MGST1: variants seen among roughly 807,000 people sequenced by gnomAD.
MGST1 encodes glutathione S-transferase 12.
A neutral mutation model predicts 8.9 loss-of-function variants in MGST1; 5 were observed. The ratio of observed to expected loss-of-function variants is 0.56; its 90% CI spans 0.29 to 1.19. The LOEUF (loss-of-function observed/expected upper bound fraction) is 1.19, where lower values mean the gene tolerates loss of function less well. Among genes scored for constraint, MGST1 ranks in the 50% most tolerant of loss-of-function variants. The probability of loss-of-function intolerance (pLI) is 0.08; values close to 1 mark genes in which losing one functional copy is unlikely to be tolerated. For synonymous variants in MGST1, 54 were observed against 67.8 expected (o/e 0.80, Z 1.00); for missense variants, 182 against 187.4 (o/e 0.97, Z 0.17).
At chr12:16,566,597 G>A (rs1942619813) in intron 4 of MGST1, among the ~76,000 whole-genome samples, 1 of 151,776 alleles carries the variant, frequency 6.6e-6, no homozygotes, top group African/African-American at 2.4e-5. Context: ...ATATATTAAA[G>A]AAAAGACATT....
chr12:16,400,002 A>G, intron 1 of MGST1: 1 of 1,490,044 alleles, frequency 6.7e-7, no homozygotes. Flanking sequence ...TCCTGTAGGG[A>G]GCTCTGTTAA....
chr12:16,495,469 T>C (rs911441307), intron 4 of MGST1, among the ~76,000 whole-genome samples: 1 of 151,896 alleles, frequency 6.6e-6, no homozygotes, highest in Non-Finnish European at 1.5e-5. Flanking sequence ...AAAAGAAACA[T>C]TGAAGAAAAG....
intron 4 of MGST1, among the ~76,000 whole-genome samples, chr12:16,479,535 C>CT (rs71054820): frequency 0.028 from 3,120 of 113,084 alleles, 206 homozygotes; most frequent in Admixed American, 0.13. Context: ...CGCCCGGCCT[C>CT]TTTTTTTTTT....
At chr12:16,496,447 A>T (rs762309899) in intron 4 of MGST1, among the ~76,000 whole-genome samples, 1 of 152,180 alleles carries the variant, frequency 6.6e-6, no homozygotes, top group Non-Finnish European at 1.5e-5. Flanking sequence ...GTATGCACAC[A>T]AAACAGCAAC....
intron 4 of MGST1, among the ~76,000 whole-genome samples, chr12:16,448,789 T>C (rs891988339): frequency 1.3e-5 from 2 of 151,884 alleles, no homozygotes; most frequent in Non-Finnish European, 2.9e-5. Flanking sequence ...CCCCAAGCTA[T>C]CCTTATCCTG....
chr12:16,502,257 T>C (rs1227113600), intron 4 of MGST1, among the ~76,000 whole-genome samples: 1 of 152,178 alleles, frequency 6.6e-6, no homozygotes, highest in Non-Finnish European at 1.5e-5. Context: ...GTCATTCCAT[T>C]AAGTTAGCAA....
chr12:16,510,572 C>A (rs979679667), intron 4 of MGST1, among the ~76,000 whole-genome samples: 1 of 152,122 alleles, frequency 6.6e-6, no homozygotes, highest in Non-Finnish European at 1.5e-5. Context: ...CTTGGTTTTC[C>A]ATTTTGAATT....
intron 1 of MGST1, among the ~76,000 whole-genome samples, chr12:16,392,384 T>A (rs564783275): frequency 6.6e-6 from 1 of 152,356 alleles, no homozygotes; most frequent in African/African-American, 2.4e-5. Context: ...AGTTTCGTTT[T>A]ATTACTTTCT....
chr12:16,532,984 G>A (rs1333669246), intron 4 of MGST1, among the ~76,000 whole-genome samples: 1 of 152,226 alleles, frequency 6.6e-6, no homozygotes, highest in East Asian at 1.9e-4. Flanking sequence ...TTGAATCTCA[G>A]GTGAAGCTAA....
intron 4 of MGST1, among the ~76,000 whole-genome samples, chr12:16,496,981 C>T (rs1397122014): frequency 6.6e-6 from 1 of 152,088 alleles, no homozygotes; most frequent in Admixed American, 6.6e-5. Flanking sequence ...TAAAGCTTAG[C>T]AGCTATTAAT....
Position 16,401,417 on chromosome 12 carries a change from GC to G in MGST1, n.778+17814del. On this transcript the variant is annotated intron_variant and non_coding_transcript_variant, in intron 1 of 1. Transcript: ENST00000359720. This position sits in a 1 kb window ranked among gnomAD's most constrained non-coding sequence, Gnocchi z 4.3. Reference sequence around the variant, plus strand: ...ATTTTGTTCAGGAGTTCTGGCTTCTGCTTTTTAGCCACGTCCATGACAGCAT... The same window carrying G: ...ATTTTGTTCAGGAGTTCTGGCTTCTGTTTTTAGCCACGTCCATGACAGCAT... The G allele has an allele frequency of 3.2e-6, 3 of 940,018 alleles. No individual in the cohort carries two copies. Among genetic ancestry groups the G allele is most frequent in the Non-Finnish European group, 5.3e-6 (3 of 570,516 alleles). 58.2% of individuals were successfully genotyped at this position (940,018 alleles called of 1,614,324 possible).
At chr12:16,519,661 C>G (rs769811115) in intron 4 of MGST1, among the ~76,000 whole-genome samples, 1 of 151,508 alleles carries the variant, frequency 6.6e-6, no homozygotes, top group Non-Finnish European at 1.5e-5. Context: ...TTTACAGTTT[C>G]AGCTGACTAC....
rs576031774 is a variant in MGST1, at chr12:16,489,449, G to C, written n.483-100079G>C. On this transcript the variant is annotated intron_variant and non_coding_transcript_variant, in intron 4 of 4. Coordinates refer to the MGST1 transcript ENST00000538857. ...GCAGAGCTCATAATGGGATATCTGGGTTGCCTGTGTTCCCTTGTTTACAAT... is the reference window on the plus strand; with the variant it reads ...GCAGAGCTCATAATGGGATATCTGGCTTGCCTGTGTTCCCTTGTTTACAAT... 2.6e-5 allele frequency among the ~76,000 whole-genome samples: 4 copies of C among 151,964 alleles called. No homozygotes were observed. The East Asian group carries it at 7.8e-4, about 30-fold the overall frequency.
At chr12:16,553,156 A>C (rs1399534835) in intron 4 of MGST1, among the ~76,000 whole-genome samples, 1 of 152,142 alleles carries the variant, frequency 6.6e-6, no homozygotes, top group Non-Finnish European at 1.5e-5. Flanking sequence ...CCTACATCCA[A>C]CCTAGAAAGT....
chr12:16,506,342 G>C (rs944960315), intron 4 of MGST1, among the ~76,000 whole-genome samples: 2 of 152,086 alleles, frequency 1.3e-5, no homozygotes, highest in Non-Finnish European at 2.9e-5. Context: ...TTTATAATGG[G>C]CAGTAAGTTT....
intron 4 of MGST1, among the ~76,000 whole-genome samples, chr12:16,460,597 GTTTTTTTT>G (rs368666166): frequency 3.8e-5 from 5 of 131,998 alleles, no homozygotes; most frequent in Non-Finnish European, 6.5e-5. Context: ...ATTCAGGTCA[GTTTTTTTT>G]TTTTTTTTGA....
chr12:16,551,087 T>A, intron 4 of MGST1: 1 of 595,330 alleles, frequency 1.7e-6, no homozygotes, highest in Non-Finnish European at 3.0e-6. Context: ...GTCCGCCTTT[T>A]ATTCCATATA....
intron 4 of MGST1, among the ~76,000 whole-genome samples, chr12:16,509,393 T>C (rs566722156): frequency 6.6e-6 from 1 of 152,328 alleles, no homozygotes; most frequent in South Asian, 2.1e-4. Flanking sequence ...ACCATCAATC[T>C]TGGATTTTCA....
At position 16,584,429 on chromosome 12, in the gene MGST1, G is replaced by A. The variant is rs941302845; in HGVS notation, n.483-5099G>A. The stretch of plus-strand genomic sequence containing the variant: ...TGATGGGAAAGGCATCTGGCCAAAA[G>A]ATTGTGGACACAGCAAAAGTTATTG... On this transcript the variant is annotated intron_variant and non_coding_transcript_variant, in intron 4 of 4. Transcript: ENST00000538857. The surrounding 1 kb of genome is among the most constrained non-coding windows in gnomAD (Gnocchi z 5.2). Among the ~76,000 whole-genome samples the A allele has an allele frequency of 6.6e-6, 1 of 152,208 alleles. No homozygotes were observed. Among genetic ancestry groups the A allele is most frequent in the African/African-American group, 2.4e-5 (1 of 41,466 alleles).
Sources: allele counts gnomAD v4.1 joint callset (sites outside exome capture counted in the v4.1 genomes callset), GRCh38; gene constraint gnomAD v4.1.1; non-coding constraint Gnocchi (gnomAD v3.1); transcripts MANE v1.5; gene names NCBI Gene and HGNC (gene_info 2026-07-23, HGNC 2026-07-21).